ANKRD13B: variants seen among roughly 807,000 people sequenced by gnomAD.
ANKRD13B encodes the protein ankyrin repeat domain 13B, also known as ankyrin repeat domain-containing protein 13B.
In ANKRD13B, 33 loss-of-function variants were observed where a neutral mutation model predicts 74.4. The ratio of observed to expected loss-of-function variants is 0.44; its 90% confidence interval spans 0.34 to 0.59. ANKRD13B has a LOEUF of 0.59. Among genes scored for constraint, ANKRD13B ranks in the 20% least tolerant of loss-of-function variants. The pLI, the probability that ANKRD13B is intolerant of heterozygous loss-of-function variation, is 0.02. For missense variants in ANKRD13B, 676 were observed against 877.9 expected (o/e 0.77, Z 2.91); for synonymous variants, 341 against 362.9 (o/e 0.94, Z 0.68).
chr17:29,606,016 G>A (rs1598608520), intron 1 of ANKRD13B, among the ~76,000 whole-genome samples: 3 of 151,792 alleles, frequency 2.0e-5, no homozygotes, highest in African/African-American at 4.8e-5. Flanking sequence ...GGGTTCAAGC[G>A]GTTCTCTTGC....
In ANKRD13B at chr17:29,612,904, G is replaced by T; in HGVS notation, c.1593G>T (p.Ala531=). The T allele has an allele frequency of 1.9e-6, 3 of 1,598,336 alleles. No individual in the cohort carries two copies. Among genetic ancestry groups the T allele is most frequent in the Non-Finnish European group, 2.5e-6 (3 of 1,179,636 alleles). Residue 531 remains alanine, a synonymous_variant, in exon 14 of 15, where the codon GCG becomes GCT. Transcript: ENST00000394859. The surrounding 1 kb of genome is among the most constrained non-coding windows in gnomAD (Gnocchi z 6.1). ...CCCCGCAGGTCACCATCTGGGAGGCGCTAACCAACAGCAAGCCAGGCACCC... is the reference window on the plus strand; with the variant it reads ...CCCCGCAGGTCACCATCTGGGAGGCTCTAACCAACAGCAAGCCAGGCACCC... The part of the protein sequence containing the change: ...SEYDQVTIWE[A]LTNSKPGTHP...
chr17:29,613,543 G>A lies in ANKRD13B; in HGVS notation c.1842G>A (p.Glu614=), dbSNP rs1192423439. Residue 614 remains glutamate, a synonymous_variant, in exon 15 of 15, where the codon GAG becomes GAA. Coordinates refer to ENST00000394859, the MANE Select transcript of ANKRD13B (RefSeq NM_152345.5). ...GGCGCGCGCGCCAGGAGGAGGAGGA[G>A]CTGGAGCGCATCCTGAGGCTCTCAC... ...RRRRARQEEE[E]LERILRLSLT... 1 of 1,521,288 alleles carries A rather than the reference G, an allele frequency of 6.6e-7. No individual in the cohort carries two copies. Among genetic ancestry groups the A allele is most frequent in the South Asian group, 1.2e-5 (1 of 81,112 alleles). 94.2% of individuals were successfully genotyped at this position (1,521,288 alleles called of 1,614,324 possible).
rs758452197 is a variant in ANKRD13B, at chr17:29,609,409, G to A, written c.810G>A (p.Gly270=). ...GTGAAAAGACGGAGATGGTGAATGG[G>A]TATGAAGCTAAGGTGAGGCTGCAGC... The part of the protein sequence containing the change: ...WRSEKTEMVN[G]YEAKVYGASN... Residue 270 remains glycine, a synonymous_variant, in exon 7 of 15, where the codon GGG becomes GGA. Coordinates refer to ENST00000394859, the MANE Select transcript of ANKRD13B (RefSeq NM_152345.5). This position sits in a 1 kb window ranked among gnomAD's most constrained non-coding sequence, Gnocchi z 4.0. 2 of 1,613,332 alleles carry A rather than the reference G, an allele frequency of 1.2e-6. No homozygotes were observed. Among genetic ancestry groups the A allele is most frequent in the Non-Finnish European group, 8.5e-7 (1 of 1,180,008 alleles).
chr17:29,608,941 T>G lies in ANKRD13B; in HGVS notation c.512T>G (p.Phe171Cys). 1 of 1,614,172 alleles carries G rather than the reference T, an allele frequency of 6.2e-7. No individual in the cohort carries two copies. Among genetic ancestry groups the G allele is most frequent in the Non-Finnish European group, 8.5e-7 (1 of 1,180,034 alleles). The part of the protein sequence containing the change: ...NLRVDTTLLG[F>C]DHMTWQRGNR... The stretch of plus-strand genomic sequence containing the variant: ...AGGGTAGACACCACACTCCTGGGCT[T>G]TGACCACATGACCTGGCAGCGAGGG... The change falls in exon 5 of 15, where the codon TTT becomes TGT. Residue 171 changes from phenylalanine to cysteine, a missense_variant. Physicochemically the swap from Phe to Cys is radical, Grantham distance 205 (BLOSUM62 -2). This residue lies in a region of ANKRD13B where 328 missense variants were observed against 518.4 expected (regional missense o/e 0.63). Transcript: ENST00000394859. The surrounding 1 kb of genome is among the most constrained non-coding windows in gnomAD (Gnocchi z 6.4).
rs140086609 is a variant in ANKRD13B, at chr17:29,609,619, G to GCACA, written c.822+211_822+214dup. Among the ~76,000 whole-genome samples, 3 of 151,628 alleles carry GCACA rather than the reference G, an allele frequency of 2.0e-5. No individual in the cohort carries two copies. Among genetic ancestry groups the GCACA allele is most frequent in the Admixed American group, 6.6e-5 (1 of 15,226 alleles). On this transcript the variant is annotated intron_variant, in intron 7 of 14. Transcript: ENST00000394859. This position sits in a 1 kb window ranked among gnomAD's most constrained non-coding sequence, Gnocchi z 4.0. ...ATGTATACACAGGGCACGTGCACACGCACACACACACACACATTTATTCCT... is the reference window on the plus strand; with the variant it reads ...ATGTATACACAGGGCACGTGCACACGCACACACACACACACACACATTTATTCCT...
Position 29,611,463 on chromosome 17 carries a change from C to A in ANKRD13B, c.905-116C>A. The A allele has an allele frequency of 9.5e-7, 1 of 1,047,960 alleles. No homozygotes were observed. The highest frequency in any genetic ancestry group is 1.5e-6 in the Non-Finnish European group (1 of 686,454). The allele number at this position is 1,047,960 out of a possible 1,614,324, so 64.9% of individuals were successfully genotyped here. On this transcript the variant is annotated intron_variant, in intron 8 of 14. Coordinates refer to ENST00000394859, the MANE Select transcript of ANKRD13B (RefSeq NM_152345.5). The surrounding 1 kb of genome is among the most constrained non-coding windows in gnomAD (Gnocchi z 4.3). ...GTGCCTGAGTATGTGGTTGGGTGAG[C>A]AGGCCCCACCCCAGGAACCGGCCTC... is the stretch of plus-strand genomic sequence containing the variant.
At chr17:29,603,261 A>G (rs1208147817) in intron 1 of ANKRD13B, among the ~76,000 whole-genome samples, 1 of 152,184 alleles carries the variant, frequency 6.6e-6, no homozygotes, top group Non-Finnish European at 1.5e-5. Flanking sequence ...GGCTCCATAG[A>G]GACAGGGTCT....
intron 1 of ANKRD13B, among the ~76,000 whole-genome samples, chr17:29,605,441 C>T (rs528064854): frequency 5.3e-4 from 80 of 152,162 alleles, no homozygotes; most frequent in African/African-American, 1.9e-3. Context: ...CACATACACA[C>T]ACACATATAT....
intron 2 of ANKRD13B, 53 bp from the exon 3 acceptor site, chr17:29,607,933 C>T (rs2034447374): frequency 1.9e-6 from 3 of 1,579,386 alleles, no homozygotes; most frequent in Non-Finnish European, 2.6e-6. Context: ...GCATCATAGA[C>T]CTATGGTTGG....
At chr17:29,596,662 G>A (rs1033200242) in intron 1 of ANKRD13B, among the ~76,000 whole-genome samples, 2 of 152,180 alleles carry the variant, frequency 1.3e-5, no homozygotes, top group East Asian at 1.9e-4. Flanking sequence ...GTTCTCCACC[G>A]TGGGCTTGCT....
At chr17:29,604,398 G>T (rs1319556444) in intron 1 of ANKRD13B, among the ~76,000 whole-genome samples, 2 of 151,816 alleles carry the variant, frequency 1.3e-5, no homozygotes, top group Non-Finnish European at 2.9e-5. Flanking sequence ...TTGTAGACAT[G>T]GGGTTTTGGT....
At chr17:29,596,906 G>A (rs1412176190) in intron 1 of ANKRD13B, among the ~76,000 whole-genome samples, 1 of 152,160 alleles carries the variant, frequency 6.6e-6, no homozygotes, top group Non-Finnish European at 1.5e-5. Context: ...GGCAGGATGG[G>A]AGGGGTGACA....
chr17:29,612,492 C>A lies in ANKRD13B; in HGVS notation c.1349C>A (p.Pro450His). The change falls in exon 12 of 15, where the codon CCC (proline) becomes CAC (histidine). Residue 450 changes from proline (P) to histidine (H), a missense_variant. Around this residue, in one of 4 missense-constraint regions of ANKRD13B, gnomAD observed 152 missense variants for 181.4 expected, o/e 0.84. Transcript: ENST00000394859. This position sits in a 1 kb window ranked among gnomAD's most constrained non-coding sequence, Gnocchi z 6.1. ...DEPVPSVRGS[P>H]SSETPSPGSD... is the part of the protein sequence containing the mutation. ...CCGGTGCCATCGGTGCGAGGCAGCCCCAGCAGCGAGACGCCTTCCCCAGGC... is the reference window on the plus strand; with the variant it reads ...CCGGTGCCATCGGTGCGAGGCAGCCACAGCAGCGAGACGCCTTCCCCAGGC... The A allele has an allele frequency of 6.3e-7, 1 of 1,589,496 alleles. No individual in the cohort carries two copies. Among genetic ancestry groups the A allele is most frequent in the South Asian group, 1.1e-5 (1 of 87,896 alleles).
intron 1 of ANKRD13B, among the ~76,000 whole-genome samples, chr17:29,606,560 AAAACAAACAAAC>A (rs202011846): frequency 1.3e-4 from 20 of 151,216 alleles, no homozygotes; most frequent in Non-Finnish European, 4.4e-5. Context: ...TCTGTCTCAA[AAAACAAACAAAC>A]AAACAAACAA....
rs1319329190 is a variant in ANKRD13B, at chr17:29,609,381, G to A, written c.782G>A (p.Arg261His). 8 of 1,613,366 alleles carry A rather than the reference G, an allele frequency of 5.0e-6. No homozygotes were observed. Among genetic ancestry groups the A allele is most frequent in the Non-Finnish European group, 6.8e-6 (8 of 1,180,020 alleles). The change falls in exon 7 of 15, where the codon CGC (arginine) becomes CAC (histidine). Residue 261 changes from arginine to histidine, a missense_variant. By Grantham distance (29) the Arg-to-His change is conservative. Around this residue, in one of 4 missense-constraint regions of ANKRD13B, gnomAD observed 328 missense variants for 518.4 expected, o/e 0.63. Coordinates refer to ENST00000394859, the MANE Select transcript of ANKRD13B (RefSeq NM_152345.5). This position sits in a 1 kb window ranked among gnomAD's most constrained non-coding sequence, Gnocchi z 4.0. ...ERNKTGILGWRSEKTEMVNGY... is the reference protein window; with the variant it reads ...ERNKTGILGWHSEKTEMVNGY... ...AACAAGACTGGCATCCTGGGCTGGCGCAGTGAAAAGACGGAGATGGTGAAT... is the reference window on the plus strand; with the variant it reads ...AACAAGACTGGCATCCTGGGCTGGCACAGTGAAAAGACGGAGATGGTGAAT...
chr17:29,612,070 T>C lies in ANKRD13B; in HGVS notation c.1101-46T>C. ...GGCTCCAGGAGATGCTGGGAGGCCA[T>C]GGCTTCCTGCAGTGTCCCTTACCCC... On this transcript the variant is annotated intron_variant, in intron 10 of 14. Coordinates refer to ENST00000394859, the MANE Select transcript of ANKRD13B (RefSeq NM_152345.5). This position sits in a 1 kb window ranked among gnomAD's most constrained non-coding sequence, Gnocchi z 6.1. The C allele has an allele frequency of 1.2e-6, 2 of 1,609,472 alleles. No individual in the cohort carries two copies. The highest frequency in any genetic ancestry group is 2.2e-5 in the South Asian group (2 of 90,922).
Position 29,608,654 on chromosome 17 carries a change from C to A in ANKRD13B, c.422-197C>A. 1.4e-6 allele frequency: 1 copy of A among 689,680 alleles called. No individual in the cohort carries two copies. Among genetic ancestry groups the A allele is most frequent in the Non-Finnish European group, 2.4e-6 (1 of 421,704 alleles). The allele number at this position is 689,680 out of a possible 1,614,324, so 42.7% of individuals were successfully genotyped here. ...GACTTAGTGGTGACAGAAACATGCC[C>A]GTCCCGACCTCAGGTTGCTCTTCTG... is the stretch of plus-strand genomic sequence containing the variant. On this transcript the variant is annotated intron_variant, in intron 4 of 14. Coordinates refer to ENST00000394859, the MANE Select transcript of ANKRD13B (RefSeq NM_152345.5). This position sits in a 1 kb window ranked among gnomAD's most constrained non-coding sequence, Gnocchi z 6.4.
At chr17:29,606,728 T>TAAAA (rs370548766) in intron 1 of ANKRD13B, among the ~76,000 whole-genome samples, 14 of 62,966 alleles carry the variant, frequency 2.2e-4, no homozygotes, top group Middle Eastern at 0.014. Context: ...CTGTCTCAAG[T>TAAAA]AAAAAAAAAA....
chr17:29,613,314 G>C, intron 14 of ANKRD13B, 40 bp from the exon 15 acceptor site: 3 of 1,391,528 alleles, frequency 2.2e-6, no homozygotes, highest in Non-Finnish European at 2.8e-6. Flanking sequence ...CGGTGGGTGG[G>C]TGCGCCCGGG....
Sources: gnomAD v4.1 joint callset for allele counts (sites outside exome capture counted in the v4.1 genomes callset) on GRCh38, gnomAD v4.1.1 for gene constraint, gnomAD v4.1.1 regional missense constraint, Gnocchi (gnomAD v3.1) non-coding constraint, MANE v1.5 for transcripts, NCBI Gene and HGNC (gene_info 2026-07-23, HGNC 2026-07-21) for gene names.